WDR47: variants seen among roughly 807,000 people sequenced by gnomAD.
WDR47 encodes WD repeat-containing protein 47.
A neutral mutation model predicts 97.2 loss-of-function variants in WDR47; 32 were observed. That is an observed-to-expected ratio of 0.33 (90% confidence interval 0.25 to 0.44). WDR47 has a LOEUF of 0.44. Among genes scored for constraint, WDR47 ranks in the 20% least tolerant of loss-of-function variants. The probability of loss-of-function intolerance (pLI) is 1.00; values close to 1 mark genes in which losing one functional copy is unlikely to be tolerated. For synonymous variants in WDR47, 375 were observed against 373.5 expected (o/e 1.00, Z -0.05); for missense variants, 782 against 1,102.3 (o/e 0.71, Z 4.11).
intron 3 of WDR47, among the ~76,000 whole-genome samples, chr1:109,015,390 C>T: frequency 6.6e-6 from 1 of 152,128 alleles, no homozygotes; most frequent in East Asian, 1.9e-4. Context: ...GTGGCACGAT[C>T]TCGGCTCACT....
chr1:108,983,748 C>CA (rs1050288796), intron 10 of WDR47, among the ~76,000 whole-genome samples: 3 of 144,688 alleles, frequency 2.1e-5, no homozygotes, highest in African/African-American at 5.1e-5. Flanking sequence ...AACTCAGAAA[C>CA]AAAAAAAATT....
At chr1:109,005,670 C>T (rs570038706) in intron 5 of WDR47, among the ~76,000 whole-genome samples, 18 of 151,742 alleles carry the variant, frequency 1.2e-4, no homozygotes, top group Admixed American at 9.8e-4. Flanking sequence ...GTCAGGAGAT[C>T]GAGACCATCT....
intron 7 of WDR47, among the ~76,000 whole-genome samples, chr1:108,998,599 T>A (rs1659935347): frequency 6.6e-6 from 1 of 152,100 alleles, no homozygotes. Flanking sequence ...GTCAAATCAA[T>A]GGTGCCAATT....
chr1:109,030,140 G>A (rs1216213703), intron 1 of WDR47: 2 of 1,266,904 alleles, frequency 1.6e-6, no homozygotes, highest in African/African-American at 3.0e-5. Flanking sequence ...AACGCCTGGT[G>A]CAGAGCCCCA....
intron 1 of WDR47, among the ~76,000 whole-genome samples, chr1:109,038,999 A>C (rs1164812008): frequency 6.6e-6 from 1 of 150,844 alleles, no homozygotes; most frequent in East Asian, 1.9e-4. Flanking sequence ...AATAATAATA[A>C]ATAAATAAAT....
At chr1:109,003,300 T>C (rs1040654189) in intron 6 of WDR47, among the ~76,000 whole-genome samples, 5 of 152,188 alleles carry the variant, frequency 3.3e-5, no homozygotes, top group Admixed American at 2.6e-4. Flanking sequence ...GCTCTCTCAA[T>C]ATTTGCATCA....
At chr1:109,035,573 T>C (rs1011745210) in intron 1 of WDR47, among the ~76,000 whole-genome samples, 51 of 151,404 alleles carry the variant, frequency 3.4e-4, no homozygotes, top group Non-Finnish European at 4.1e-4. Flanking sequence ...TCTTGGCTCA[T>C]TGCAATCTCT....
chr1:109,023,182 G>A (rs548862231), intron 2 of WDR47, among the ~76,000 whole-genome samples, 173 bp downstream of exon 2: 3 of 152,070 alleles, frequency 2.0e-5, no homozygotes, highest in African/African-American at 7.2e-5. Context: ...CAGCCTGGGT[G>A]ACAGAGCAAG....
At chr1:109,004,523 T>C in intron 6 of WDR47, 69 bp downstream of exon 6, 2 of 1,479,496 alleles carry the variant, frequency 1.4e-6, no homozygotes, top group Non-Finnish European at 1.8e-6. Context: ...CTTTTTACAT[T>C]CTAAGTAAAT....
chr1:108,983,987 A>C (rs2101824345), intron 10 of WDR47, among the ~76,000 whole-genome samples: 2 of 152,346 alleles, frequency 1.3e-5, no homozygotes, highest in Middle Eastern at 3.4e-3. Context: ...TGGGCCTTAA[A>C]GGATAAGGCA....
At chr1:109,035,388 CTTTT>C (rs1469247526) in intron 1 of WDR47, among the ~76,000 whole-genome samples, 3 of 151,714 alleles carry the variant, frequency 2.0e-5, no homozygotes, top group Non-Finnish European at 4.4e-5. Flanking sequence ...TTGAAGGAGA[CTTTT>C]TTATTTTTTA....
chr1:109,008,954 G>T (rs571169791), intron 5 of WDR47, among the ~76,000 whole-genome samples: 1 of 151,692 alleles, frequency 6.6e-6, no homozygotes, highest in South Asian at 2.1e-4. Flanking sequence ...GCGCAGTGGC[G>T]CACGCCTGTA....
chr1:109,025,430 C>CAA (rs34794200), intron 1 of WDR47, among the ~76,000 whole-genome samples: 47 of 101,768 alleles, frequency 4.6e-4, no homozygotes, highest in African/African-American at 1.8e-3. Context: ...GACTCTGCCT[C>CAA]AAAAAAAAAA....
At chr1:108,977,262 C>T (rs537397245) in intron 13 of WDR47, among the ~76,000 whole-genome samples, 74 of 152,270 alleles carry the variant, frequency 4.9e-4, no homozygotes, top group African/African-American at 1.8e-3. Context: ...AGCGATTCTC[C>T]TGCCTCAGCC....
In WDR47 at chr1:108,995,697, T is replaced by C. The variant is rs747047483; in HGVS notation, c.1574A>G (p.Gln525Arg). 67 of 1,614,126 alleles carry C rather than the reference T, an allele frequency of 4.2e-5. 1 individual carries two copies. In the East Asian group the frequency reaches 7.6e-4, roughly 18 times the overall value. Residue 525 changes from glutamine (Q) to arginine (R), a missense_variant, in exon 8 of 15, where the codon CAA becomes CGA. Coordinates refer to ENST00000369962, the MANE Select transcript of WDR47 (RefSeq NM_001142551.2). ...SSVTSFTTPP[Q>R]DSSQRLTHDA... ...ATGTGTTAATCTCTGACTAGAGTCT[T>C]GGGGTGGTGTAGTAAAACTAGTCAC...
chr1:109,027,528 C>T (rs1180648563), intron 1 of WDR47, among the ~76,000 whole-genome samples: 5 of 151,218 alleles, frequency 3.3e-5, no homozygotes, highest in Non-Finnish European at 5.9e-5. Context: ...ATACTGCATA[C>T]TTTTTTTTTC....
Position 109,011,528 on chromosome 1 carries a change from G to A in WDR47, c.518C>T (p.Ala173Val). The A allele has an allele frequency of 6.2e-7, 1 of 1,614,176 alleles. No individual in the cohort carries two copies. Among genetic ancestry groups the A allele is most frequent in the Non-Finnish European group, 8.5e-7 (1 of 1,180,024 alleles). ...CTTCCTATCAGCAGGGATGAATTCT[G>A]CAACCATGACACAAGCCTCTTCAAA... Reference protein sequence around the residue: ...HCFEEACVMVAEFIPADRKLS... With the variant: ...HCFEEACVMVVEFIPADRKLS... The change falls in exon 5 of 15, where the codon GCA becomes GTA. Residue 173 changes from alanine to valine, a missense_variant. Physicochemically the swap from Ala to Val is moderately conservative, Grantham distance 64. Around this residue, in one of 3 missense-constraint regions of WDR47, gnomAD observed 428 missense variants for 584.3 expected, o/e 0.73. Transcript: ENST00000369962.
intron 9 of WDR47, 52 bp from the exon 10 acceptor site, chr1:108,986,732 A>G (rs112960126): frequency 1.4e-6 from 2 of 1,403,312 alleles, no homozygotes; most frequent in Non-Finnish European, 1.9e-6. Flanking sequence ...AATTTGAAAG[A>G]ATTCATCTTT....
chr1:108,987,529 G>A (rs560656299), intron 9 of WDR47, among the ~76,000 whole-genome samples: 4 of 151,882 alleles, frequency 2.6e-5, no homozygotes, highest in South Asian at 4.2e-4. Context: ...GTGCAGTGGC[G>A]TGATCTTGGC....
Sources: gnomAD v4.1 joint callset for allele counts (sites outside exome capture counted in the v4.1 genomes callset) on GRCh38, gnomAD v4.1.1 for gene constraint, gnomAD v4.1.1 regional missense constraint, MANE v1.5 for transcripts, NCBI Gene and HGNC (gene_info 2026-07-23, HGNC 2026-07-21) for gene names.